Variants in NR4A3 observed in about 807,000 individuals in gnomAD.
The protein encoded by NR4A3 is chondrosarcoma, extraskeletal myxoid, fused to EWS.
A neutral mutation model predicts 55.6 loss-of-function variants in NR4A3; 13 were observed. The observed-to-expected ratio is 0.23, with a 90% CI of 0.15 to 0.37. The LOEUF (loss-of-function observed/expected upper bound fraction) is 0.37, where lower values mean the gene tolerates loss of function less well. NR4A3 is among the 10% of genes least tolerant of loss of function. The pLI, the probability that NR4A3 is intolerant of heterozygous loss-of-function variation, is 1.00. For synonymous variants in NR4A3, 342 were observed against 357.9 expected, an observed-to-expected ratio of 0.96 and a Z score of 0.50; for missense variants, 646 against 822.8, an observed-to-expected ratio of 0.79 and a Z score of 2.63.
chr9:99,837,034 T>A (rs1827570373), intron 5 of NR4A3, among the ~76,000 whole-genome samples: 1 of 152,236 alleles, frequency 6.6e-6, no homozygotes, highest in African/African-American at 2.4e-5. Flanking sequence ...TTAGGTTTTT[T>A]ATCTATTTTT....
chr9:99,847,211 C>T (rs1827769699), intron 6 of NR4A3, among the ~76,000 whole-genome samples: 1 of 152,214 alleles, frequency 6.6e-6, no homozygotes, highest in South Asian at 2.1e-4. Context: ...CCCATATCTT[C>T]CCCTGGGCTG....
At chr9:99,856,982 TTTTG>T (rs1485042468) in intron 7 of NR4A3, among the ~76,000 whole-genome samples, 7 of 152,254 alleles carry the variant, frequency 4.6e-5, no homozygotes, top group African/African-American at 1.7e-4. Flanking sequence ...ACATGTGTTA[TTTTG>T]TTTAATGTTG....
At chr9:99,836,128 A>C (rs1827555934) in intron 5 of NR4A3, among the ~76,000 whole-genome samples, 1 of 152,176 alleles carries the variant, frequency 6.6e-6, no homozygotes, top group South Asian at 2.1e-4. Context: ...TGCTGATCAC[A>C]TTTGCAAATG....
intron 3 of NR4A3, 120 bp downstream of exon 3, chr9:99,829,113 T>C: frequency 8.8e-7 from 1 of 1,139,788 alleles, no homozygotes; most frequent in African/African-American, 1.6e-5. Context: ...CACATCATGC[T>C]TTCCTACAGC....
intron 2 of NR4A3, among the ~76,000 whole-genome samples, chr9:99,827,261 T>TGG (rs1241919625): frequency 1.3e-5 from 1 of 76,262 alleles, no homozygotes; most frequent in Non-Finnish European, 2.7e-5. Context: ...TATATATATG[T>TGG]GTGTGTGTGT....
chr9:99,857,285 G>A (rs868109101), intron 7 of NR4A3, among the ~76,000 whole-genome samples: 3 of 152,142 alleles, frequency 2.0e-5, no homozygotes, highest in East Asian at 1.9e-4. Context: ...GCTTAGAGAC[G>A]TGGCTGATTT....
At chr9:99,827,953 AT>A in intron 2 of NR4A3, 87 bp from the exon 3 acceptor site, 1 of 1,464,104 alleles carries the variant, frequency 6.8e-7, no homozygotes. Flanking sequence ...TGTTTCCCAG[AT>A]TAGAGAACAG....
chr9:99,823,633 T>G (rs1218123704), intron 1 of NR4A3, among the ~76,000 whole-genome samples: 1 of 152,150 alleles, frequency 6.6e-6, no homozygotes, highest in Non-Finnish European at 1.5e-5. Flanking sequence ...ATGGGCACAA[T>G]GAATGAAGTT....
At chr9:99,859,024 T>G (rs1827970349) in intron 7 of NR4A3, among the ~76,000 whole-genome samples, 1 of 152,250 alleles carries the variant, frequency 6.6e-6, no homozygotes, top group South Asian at 2.1e-4. Flanking sequence ...ATACAATGAT[T>G]ATGACACATA....
intron 7 of NR4A3, among the ~76,000 whole-genome samples, chr9:99,856,374 C>T (rs890029577): frequency 6.6e-6 from 1 of 151,958 alleles, no homozygotes; most frequent in Non-Finnish European, 1.5e-5. Context: ...GAATCTAATG[C>T]CGCCACTCAT....
In NR4A3 at chr9:99,829,003, C is replaced by T. The variant is rs1428598458; in HGVS notation, c.951+10C>T. 2 of 1,334,550 alleles carry T rather than the reference C, an allele frequency of 1.5e-6. No homozygotes were observed. Among genetic ancestry groups the T allele is most frequent in the Non-Finnish European group, 9.6e-7 (1 of 1,040,676 alleles). 82.7% of individuals were successfully genotyped at this position (1,334,550 alleles called of 1,614,324 possible). On this transcript the variant is annotated intron_variant, in intron 3 of 7. Transcript: ENST00000395097. ...CAAGGGCTTTTTCAAGGTGAGCGCACGCCGCCCCCTCCCCTCCGCACCCAG... is the reference window on the plus strand; with the variant it reads ...CAAGGGCTTTTTCAAGGTGAGCGCATGCCGCCCCCTCCCCTCCGCACCCAG...
chr9:99,826,747 T>G (rs758564245), intron 2 of NR4A3: 1 of 1,613,526 alleles, frequency 6.2e-7, no homozygotes. Context: ...TCACCTTTTT[T>G]CAAGTCAAGA....
At chr9:99,824,931 G>A (rs1827265018) in intron 1 of NR4A3, among the ~76,000 whole-genome samples, 4 of 152,200 alleles carry the variant, frequency 2.6e-5, no homozygotes, top group Admixed American at 1.3e-4. Flanking sequence ...CGAAGACACC[G>A]CCCTCTGGGT....
chr9:99,827,667 C>T (rs1827328395), intron 2 of NR4A3, among the ~76,000 whole-genome samples: 1 of 152,168 alleles, frequency 6.6e-6, no homozygotes, highest in African/African-American at 2.4e-5. Flanking sequence ...TTCTCTTTGT[C>T]CCCCTAGGTT....
intron 2 of NR4A3, chr9:99,826,773 G>A: frequency 6.2e-7 from 1 of 1,613,824 alleles, no homozygotes. Context: ...TCCCATACAT[G>A]CATGACTCAA....
intron 2 of NR4A3, among the ~76,000 whole-genome samples, chr9:99,827,317 T>C (rs1166918370): frequency 2.0e-5 from 3 of 151,520 alleles, no homozygotes; most frequent in African/African-American, 7.3e-5. Context: ...GGTGGGTGTT[T>C]TGTTGCAGCT....
intron 7 of NR4A3, among the ~76,000 whole-genome samples, chr9:99,853,321 C>CTTTTTTTTTT (rs71370971): frequency 8.1e-6 from 1 of 123,400 alleles, no homozygotes; most frequent in Non-Finnish European, 1.7e-5. Context: ...TAGGGAATTT[C>CTTTTTTTTTT]TTTTTTTTTT....
intron 2 of NR4A3, among the ~76,000 whole-genome samples, chr9:99,827,526 G>A (rs1827325094): frequency 6.6e-6 from 1 of 152,184 alleles, no homozygotes; most frequent in Non-Finnish European, 1.5e-5. Context: ...TAAAATGTTA[G>A]AATGTCAACT....
chr9:99,824,575 C>T (rs926792223), intron 1 of NR4A3, among the ~76,000 whole-genome samples: 2 of 152,216 alleles, frequency 1.3e-5, no homozygotes, highest in Non-Finnish European at 2.9e-5. Context: ...CTGGGAGCCC[C>T]GAGTCCCTTT....
Sources: gnomAD v4.1 joint callset for allele counts (sites outside exome capture counted in the v4.1 genomes callset) on GRCh38, gnomAD v4.1.1 for gene constraint, MANE v1.5 for transcripts, NCBI Gene and HGNC (gene_info 2026-07-23, HGNC 2026-07-21) for gene names.